The following SASH1 variants were observed in gnomAD, a reference collection of about 807,000 sequenced individuals.
SASH1 encodes SAM and SH3 domain containing 1, also known as SAM and SH3 domain-containing protein 1.
Under a neutral mutation model 125.2 loss-of-function variants are expected in SASH1, and 44 were observed. The ratio of observed to expected loss-of-function variants is 0.35; its 90% CI spans 0.28 to 0.45. The LOEUF (loss-of-function observed/expected upper bound fraction) is 0.45, where lower values mean the gene tolerates loss of function less well. SASH1 is among the 20% of genes least tolerant of loss of function. The pLI is 1.00. For synonymous variants in SASH1, 639 were observed against 649.1 expected (o/e 0.98, Z 0.24); for missense variants, 1,426 against 1,614.5 (o/e 0.88, Z 2.00).
intron 5 of SASH1, among the ~76,000 whole-genome samples, chr6:148,469,602 A>G (rs1166347089): frequency 1.3e-5 from 2 of 152,264 alleles, no homozygotes; most frequent in Middle Eastern, 6.8e-3. Context: ...GCATAGCACC[A>G]TGTACCTGTA....
chr6:148,358,740 T>G (rs1481881638), intron 1 of SASH1, among the ~76,000 whole-genome samples: 133 of 145,780 alleles, frequency 9.1e-4, no homozygotes, highest in Non-Finnish European at 1.4e-3. Flanking sequence ...TTTGTTTTTT[T>G]TTTTTTTTTT....
intron 2 of SASH1, among the ~76,000 whole-genome samples, chr6:148,424,969 C>T (rs565979889): frequency 5.9e-5 from 9 of 152,208 alleles, no homozygotes; most frequent in Non-Finnish European, 1.0e-4. Flanking sequence ...AGTTTGAGAA[C>T]CGCTGACAGG....
intron 1 of SASH1, among the ~76,000 whole-genome samples, chr6:148,362,858 A>G (rs1057053082): frequency 6.6e-6 from 1 of 152,086 alleles, no homozygotes; most frequent in Non-Finnish European, 1.5e-5. Context: ...AAAAATACAT[A>G]CATACATACA....
chr6:148,544,936 CACCTGAAT>C lies in SASH1; in HGVS notation c.3348+119_3348+126del. The C allele has an allele frequency of 5.5e-6, 5 of 903,102 alleles. No homozygotes were observed. The highest frequency in any genetic ancestry group is 8.2e-6 in the Non-Finnish European group (5 of 609,758). The allele number at this position is 903,102 out of a possible 1,614,324, so 55.9% of individuals were successfully genotyped here. On this transcript the variant is annotated intron_variant, in intron 18 of 19. Coordinates refer to ENST00000367467, the MANE Select transcript of SASH1 (RefSeq NM_015278.5). This position sits in a 1 kb window ranked among gnomAD's most constrained non-coding sequence, Gnocchi z 6.4. Reference sequence around the variant, plus strand: ...GGTAGCCCGCCCAGTGGACAGGAGACACCTGAATCCACGTGTCCACACCTTACTTGACA... The same window carrying C: ...GGTAGCCCGCCCAGTGGACAGGAGACCCACGTGTCCACACCTTACTTGACA...
chr6:148,539,579 T>C (rs1782092448), intron 16 of SASH1, among the ~76,000 whole-genome samples: 1 of 152,204 alleles, frequency 6.6e-6, no homozygotes, highest in Non-Finnish European at 1.5e-5. Flanking sequence ...GTATAGGTAC[T>C]GCATTTTCTT....
intron 4 of SASH1, among the ~76,000 whole-genome samples, chr6:148,454,832 C>T (rs578059945): frequency 1.3e-4 from 20 of 152,266 alleles, no homozygotes; most frequent in Non-Finnish European, 2.1e-4. Flanking sequence ...TTTTATCCAC[C>T]GGCTGATTCA....
chr6:148,260,489 C>T, the SASH1 span, among the ~76,000 whole-genome samples: 1 of 151,790 alleles, frequency 6.6e-6, no homozygotes, highest in African/African-American at 2.4e-5. Context: ...AGCCTGTAGT[C>T]CCAGCTCTTG....
chr6:148,315,982 T>C (rs1006015543), intron 1 of SASH1, among the ~76,000 whole-genome samples: 1 of 152,212 alleles, frequency 6.6e-6, no homozygotes, highest in African/African-American at 2.4e-5. Flanking sequence ...ATCCCTGTGC[T>C]ATGACCAATA....
intron 1 of SASH1, among the ~76,000 whole-genome samples, chr6:148,286,973 T>A (rs1029091074): frequency 6.6e-6 from 1 of 152,116 alleles, no homozygotes; most frequent in African/African-American, 2.4e-5. Flanking sequence ...CATACCACCC[T>A]GCACCCTCTC....
rs1204782142 is a variant in SASH1, at chr6:148,298,637, A to AGAAG, written n.74+26270_74+26273dup. Among the ~76,000 whole-genome samples the AGAAG allele has an allele frequency of 3.2e-3, 391 of 120,368 alleles. 8 individuals carry two copies. Among genetic ancestry groups the AGAAG allele is most frequent in the African/African-American group, 0.012 (376 of 30,608 alleles). 79.0% of individuals were successfully genotyped at this position (120,368 alleles called of 152,430 possible). A position where few individuals can be genotyped will look rare whatever the true frequency, so the allele number is the denominator to read the frequency against. ...GCCTGAACAGAGTGAGAGGGATGAA[A>AGAAG]GAAGGAAGGAAGGGAGGGAGGGAGG... On this transcript the variant is annotated intron_variant and non_coding_transcript_variant, in intron 1 of 3. Transcript: ENST00000367469.
intron 16 of SASH1, 50 bp downstream of exon 16, chr6:148,534,951 G>T (rs779788583): frequency 5.0e-6 from 8 of 1,593,154 alleles, no homozygotes; most frequent in Non-Finnish European, 6.0e-6. Context: ...TGCCACAGCA[G>T]GCCCCACGTA....
chr6:148,233,160 G>A, the SASH1 span, among the ~76,000 whole-genome samples: 5 of 151,144 alleles, frequency 3.3e-5, no homozygotes, highest in South Asian at 1.1e-3. Context: ...GTTGCAGTGA[G>A]CCGAGATCGC....
chr6:148,278,268 C>T (rs1323386946), intron 1 of SASH1, among the ~76,000 whole-genome samples: 1 of 152,108 alleles, frequency 6.6e-6, no homozygotes, highest in African/African-American at 2.4e-5. Context: ...AACTCCTGAC[C>T]TCAGGTGAAC....
chr6:148,417,663 C>T (rs1453056092), intron 2 of SASH1, among the ~76,000 whole-genome samples: 2 of 151,980 alleles, frequency 1.3e-5, no homozygotes, highest in Non-Finnish European at 2.9e-5. Context: ...CTGCCACCTT[C>T]AGACATGGTC....
At chr6:148,416,160 T>G (rs1393577110) in intron 2 of SASH1, among the ~76,000 whole-genome samples, 1 of 152,204 alleles carries the variant, frequency 6.6e-6, no homozygotes, top group African/African-American at 2.4e-5. Context: ...CTCACCTATA[T>G]GGACATGACA....
intron 2 of SASH1, among the ~76,000 whole-genome samples, chr6:148,430,189 C>T (rs1384831603): frequency 6.6e-6 from 1 of 152,162 alleles, no homozygotes; most frequent in Non-Finnish European, 1.5e-5. Flanking sequence ...AGTGAGACAC[C>T]AGGCTCAGTC....
Position 148,544,683 on chromosome 6 carries a change from G to A in SASH1, c.3213G>A (p.Gln1071=). Residue 1071 remains glutamine (Q), a synonymous_variant, in exon 18 of 20, where the codon CAG becomes CAA. Transcript: ENST00000367467. The surrounding 1 kb of genome is among the most constrained non-coding windows in gnomAD (Gnocchi z 6.4). ...LSELPENTSL[Q]EHGVKLGPAL... ...AGCTCCCCGAGAACACAAGCCTCCA[G>A]GAGCACGGTGTGAAGCTGGGCCCGG... is the stretch of plus-strand genomic sequence containing the variant. 6.2e-7 allele frequency: 1 copy of A among 1,613,110 alleles called. No individual in the cohort carries two copies. Among genetic ancestry groups the A allele is most frequent in the South Asian group, 1.1e-5 (1 of 90,854 alleles).
At chr6:148,457,236 C>T (rs192543462) in intron 4 of SASH1, among the ~76,000 whole-genome samples, 194 of 141,504 alleles carry the variant, frequency 1.4e-3, no homozygotes, top group African/African-American at 4.8e-3. Context: ...CATCAAAAGT[C>T]AGAATTTGAC....
chr6:148,468,371 G>A (rs894925287), intron 4 of SASH1, among the ~76,000 whole-genome samples, 174 bp from the exon 5 acceptor site: 2 of 152,182 alleles, frequency 1.3e-5, no homozygotes, highest in East Asian at 1.9e-4. Flanking sequence ...TGGCACACGA[G>A]TCTATTTCTA....
Sources: allele counts gnomAD v4.1 joint callset (sites outside exome capture counted in the v4.1 genomes callset), GRCh38; gene constraint gnomAD v4.1.1; non-coding constraint Gnocchi (gnomAD v3.1); transcripts MANE v1.5; gene names NCBI Gene and HGNC (gene_info 2026-07-23, HGNC 2026-07-21).